MUC22: variants seen among roughly 807,000 people sequenced by gnomAD.
MUC22 encodes the protein mucin-22.
Under a neutral mutation model 40.3 loss-of-function variants are expected in MUC22, and 24 were observed. The ratio of observed to expected loss-of-function variants is 0.60; its 90% CI spans 0.43 to 0.84. The LOEUF (loss-of-function observed/expected upper bound fraction) is 0.84, where lower values mean the gene tolerates loss of function less well. Among genes scored for constraint, MUC22 ranks in the 40% least tolerant of loss-of-function variants. The pLI is 0.00. For missense variants in MUC22, 1,926 were observed against 2,130.7 expected, an observed-to-expected ratio of 0.90 and a Z score of 1.89; for synonymous variants, 765 against 844.5, an observed-to-expected ratio of 0.91 and a Z score of 1.63.
intron 1 of MUC22, among the ~76,000 whole-genome samples, chr6:31,024,421 T>C (rs1467413699): frequency 1.5e-5 from 1 of 66,284 alleles, no homozygotes; most frequent in Non-Finnish European, 3.5e-5. Flanking sequence ...GGGTTCTTTG[T>C]GTTATACTTG....
At chr6:31,035,236 CT>C in exon 4 of MUC22, 2 of 415,404 alleles carry the variant, frequency 4.8e-6, no homozygotes, top group Non-Finnish European at 8.5e-6. Flanking sequence ...GAGTCTCAGC[CT>C]CTGTTGTGGG....
chr6:31,026,570 C>CT lies in MUC22; in HGVS notation c.1140dup (p.Thr381TyrfsTer5). 3 of 1,501,942 alleles carry CT rather than the reference C, an allele frequency of 2.0e-6. No homozygotes were observed. Among genetic ancestry groups the CT allele is most frequent in the Non-Finnish European group, 2.7e-6 (3 of 1,125,244 alleles). The allele number at this position is 1,501,942 out of a possible 1,614,324, so 93.0% of individuals were successfully genotyped here. ...ATGGGCTCAGAGACCACCACAAACT[C>CT]TACTACAAGCTCTGAGACCACCGTC... On this transcript the variant is annotated frameshift_variant, in exon 2 of 4. Coordinates refer to ENST00000561890, the Ensembl canonical transcript of MUC22. LOFTEE classifies it high-confidence loss of function.
exon 2 of MUC22, chr6:31,029,712 C>T (rs76681473): frequency 7.2e-7 from 1 of 1,397,994 alleles, no homozygotes; most frequent in Non-Finnish European, 9.4e-7. Context: ...AGGCCACCAC[C>T]ACCTCTACTG....
chr6:31,010,384 A>G (rs2530717), upstream of MUC22: 45,282 of 311,872 alleles, frequency 0.15, 3,559 homozygotes, highest in Admixed American at 0.2. Context: ...AGCACAGCGC[A>G]GAAATGCCCC....
chr6:31,017,855 T>C (rs936905216), intron 1 of MUC22, among the ~76,000 whole-genome samples: 3 of 152,246 alleles, frequency 2.0e-5, no homozygotes, highest in African/African-American at 7.2e-5. Flanking sequence ...TTGGGTACTC[T>C]TCTATAGTGT....
At chr6:31,027,466 T>C in exon 2 of MUC22, 6 of 1,530,036 alleles carry the variant, frequency 3.9e-6, no homozygotes, top group Non-Finnish European at 4.4e-6. Flanking sequence ...GACTGCAGTC[T>C]CCACCACAGT....
rs114859604 is a variant in MUC22, at chr6:31,018,032, T to C, written c.70+7256T>C. ...AAGAAACGCCGAACACATCTGAACA[T>C]CAGAAGGAACAAACTCAGGACACAC... On this transcript the variant is annotated intron_variant, in intron 1 of 3. Coordinates refer to ENST00000561890, the Ensembl canonical transcript of MUC22. Among the ~76,000 whole-genome samples the C allele has an allele frequency of 7.7e-3, 1,167 of 152,234 alleles. 13 individuals carry two copies. The highest frequency in any genetic ancestry group is 0.026 in the African/African-American group (1,084 of 41,526).
intron 1 of MUC22, among the ~76,000 whole-genome samples, chr6:31,016,214 C>T (rs1008515201): frequency 6.6e-6 from 1 of 150,788 alleles, no homozygotes; most frequent in Non-Finnish European, 1.5e-5. Flanking sequence ...TGCATTGTCT[C>T]AGTTCTCTCT....
exon 2 of MUC22, chr6:31,027,669 C>A: frequency 6.5e-7 from 1 of 1,531,002 alleles, no homozygotes; most frequent in Non-Finnish European, 8.7e-7. Context: ...TGGAGACCAC[C>A]ACAGTCTTTA....
intron 1 of MUC22, among the ~76,000 whole-genome samples, chr6:31,013,129 C>CTTTTTT (rs28381569): frequency 2.5e-5 from 3 of 121,366 alleles, no homozygotes; most frequent in Admixed American, 8.1e-5. Flanking sequence ...CACCCCCATT[C>CTTTTTT]TTTTTTTTTT....
chr6:31,010,442 C>A, upstream of MUC22: 1 of 471,646 alleles, frequency 2.1e-6, no homozygotes, highest in South Asian at 3.0e-5. Context: ...TACTCAGTAT[C>A]AGCTATAAAT....
At chr6:31,033,660 G>T (rs1766241749) in intron 3 of MUC22, among the ~76,000 whole-genome samples, 1 of 152,206 alleles carries the variant, frequency 6.6e-6, no homozygotes, top group African/African-American at 2.4e-5. Flanking sequence ...ACAAGAGATT[G>T]TGCAGTTCTT....
intron 1 of MUC22, among the ~76,000 whole-genome samples, chr6:31,019,528 G>A (rs1361841002): frequency 6.6e-6 from 1 of 152,222 alleles, no homozygotes; most frequent in Non-Finnish European, 1.5e-5. Context: ...TGGACAGGAG[G>A]GGAGACAGCA....
chr6:31,017,546 T>C (rs9380208), intron 1 of MUC22, among the ~76,000 whole-genome samples: 16,862 of 151,638 alleles, frequency 0.11, 1,187 homozygotes, highest in East Asian at 0.32. Flanking sequence ...AGCTAAGGGA[T>C]TGTAAATACA....
exon 1 of MUC22, chr6:31,010,705 A>C (rs1406945876): frequency 1.4e-6 from 1 of 702,554 alleles, no homozygotes; most frequent in Admixed American, 2.0e-5. Context: ...CATCATTTAG[A>C]GATGAGAAGA....
chr6:31,032,452 T>C lies in MUC22; in HGVS notation c.4926T>C (p.Val1642=), dbSNP rs1228132306. 2.6e-6 allele frequency: 4 copies of C among 1,535,652 alleles called. No homozygotes were observed. In the East Asian group the frequency reaches 9.8e-5, roughly 38 times the overall value. The stretch of plus-strand genomic sequence containing the variant: ...CGGTGTCCATGGGCACAAACACAGT[T>C]AGCATGAGCCACACACCCACAAACG... Residue 1642 remains valine, a synonymous_variant, in exon 3 of 4, where the codon GTT becomes GTC. Coordinates refer to ENST00000561890, the Ensembl canonical transcript of MUC22. This position sits in a 1 kb window ranked among gnomAD's most constrained non-coding sequence, Gnocchi z 4.1.
chr6:31,028,765 G>A (rs1562613867), exon 2 of MUC22: 1 of 1,531,324 alleles, frequency 6.5e-7, no homozygotes, highest in Non-Finnish European at 8.7e-7. Flanking sequence ...CTCTACTGAA[G>A]GCTCTGAGAC....
exon 2 of MUC22, chr6:31,029,484 A>C (rs780831515): frequency 1.3e-6 from 2 of 1,534,542 alleles, no homozygotes; most frequent in South Asian, 2.4e-5. Flanking sequence ...CCTCTACCGC[A>C]GGCTCTGAGA....
intron 1 of MUC22, among the ~76,000 whole-genome samples, chr6:31,014,036 T>A (rs73727153): frequency 0.12 from 18,186 of 152,100 alleles, 1,275 homozygotes; most frequent in African/African-American, 0.17. Context: ...TAGCATTTAG[T>A]GTTTACATTA....
Sources: gnomAD v4.1 joint callset for allele counts (sites outside exome capture counted in the v4.1 genomes callset) on GRCh38, gnomAD v4.1.1 for gene constraint, Gnocchi (gnomAD v3.1) non-coding constraint, MANE v1.5 for transcripts, NCBI Gene and HGNC (gene_info 2026-07-23, HGNC 2026-07-21) for gene names.